Variants in NEB observed in about 807,000 individuals in gnomAD.
The protein encoded by NEB is nemaline myopathy type 2.
Under a neutral mutation model 952.2 loss-of-function variants are expected in NEB, and 512 were observed. The observed-to-expected ratio is 0.54, with a 90% CI of 0.50 to 0.58. NEB has a LOEUF of 0.58. Among genes scored for constraint, NEB ranks in the 20% least tolerant of loss-of-function variants. The pLI, the probability that NEB is intolerant of heterozygous loss-of-function variation, is 0.00. For missense variants in NEB, 8,428 were observed against 9,231.1 expected, an observed-to-expected ratio of 0.91 and a Z score of 3.56; for synonymous variants, 2,900 against 3,149.8, an observed-to-expected ratio of 0.92 and a Z score of 2.66.
In NEB at chr2:151,727,780, T is replaced by C; in HGVS notation, c.205A>G (p.Arg69Gly). Reference protein sequence around the residue: ...QPASAKPVERRKVIRKKVDPS... With the variant: ...QPASAKPVERGKVIRKKVDPS... Reference sequence around the variant, plus strand: ...TCCACTTTCTTCCGGATGACCTTCCTCCTCTCCACCGGCTTTGCTGATGCT... The same window carrying C: ...TCCACTTTCTTCCGGATGACCTTCCCCCTCTCCACCGGCTTTGCTGATGCT... Residue 69 changes from arginine to glycine, a missense_variant, in exon 5 of 182, where the codon AGG becomes GGG. This residue lies in a region of NEB where 2,851 missense variants were observed against 2,791.5 expected (regional missense o/e 1.02). Coordinates refer to ENST00000397345, the MANE Select transcript of NEB (RefSeq NM_001164508.2). 6.2e-7 allele frequency: 1 copy of C among 1,613,760 alleles called. No homozygotes were observed. Among genetic ancestry groups the C allele is most frequent in the Non-Finnish European group, 8.5e-7 (1 of 1,179,786 alleles).
At position 151,526,039 on chromosome 2, in the gene NEB, G is replaced by C. The variant is rs745517888; in HGVS notation, c.22080C>G (p.His7360Gln). 5 of 1,613,870 alleles carry C rather than the reference G, an allele frequency of 3.1e-6. No homozygotes were observed. The highest frequency in any genetic ancestry group is 4.2e-6 in the Non-Finnish European group (5 of 1,179,876). The change falls in exon 150 of 182, where the codon CAC (histidine) becomes CAG (glutamine). Residue 7360 changes from histidine to glutamine, a missense_variant. His to Gln is a conservative substitution (Grantham distance 24, BLOSUM62 0). Coordinates refer to ENST00000397345, the MANE Select transcript of NEB (RefSeq NM_001164508.2). ...ENKYKDHVKKHLAQGSYTTLP... is the reference protein window; with the variant it reads ...ENKYKDHVKKQLAQGSYTTLP... ...GTGTTGTGTATGAGCCCTGTGCCAAGTGCTTCTTGACATGGTCCTTGTACT... is the reference window on the plus strand; with the variant it reads ...GTGTTGTGTATGAGCCCTGTGCCAACTGCTTCTTGACATGGTCCTTGTACT...
intron 12 of NEB, among the ~76,000 whole-genome samples, chr2:151,707,205 A>G (rs1340912958): frequency 6.6e-6 from 1 of 152,236 alleles, no homozygotes; most frequent in African/African-American, 2.4e-5. Flanking sequence ...CCATTCATTT[A>G]TTCATTCAAA....
At chr2:151,714,862 C>T (rs908631578) in intron 10 of NEB, among the ~76,000 whole-genome samples, 2 of 152,248 alleles carry the variant, frequency 1.3e-5, no homozygotes, top group Non-Finnish European at 1.5e-5. Context: ...GAAGATAGTA[C>T]CAAAGGTAAG....
At chr2:151,604,121 C>T (rs62174703) in intron 85 of NEB, among the ~76,000 whole-genome samples, 27,561 of 110,372 alleles carry the variant, frequency 0.25, 353 homozygotes, top group Admixed American at 0.34. Flanking sequence ...TCAGTTGGAT[C>T]TTAGGAGGTA....
chr2:151,720,559 G>C (rs1288962745), intron 9 of NEB, among the ~76,000 whole-genome samples: 1 of 152,126 alleles, frequency 6.6e-6, no homozygotes, highest in East Asian at 1.9e-4. Context: ...TACTGTAATT[G>C]CTCAAAACAT....
At position 151,524,306 on chromosome 2, in the gene NEB, A is replaced by T. The variant is rs1188700180; in HGVS notation, c.22479+5T>A. ...GAGAGCCACCAGTGCACCCATCTGC[A>T]TTACCTGGCTGCTCAGCTTGGCTGC... On this transcript the variant is annotated splice_donor_5th_base_variant and intron_variant, in intron 153 of 181. Transcript: ENST00000397345. 2 of 1,612,604 alleles carry T rather than the reference A, an allele frequency of 1.2e-6. No homozygotes were observed. Among genetic ancestry groups the T allele is most frequent in the Non-Finnish European group, 1.7e-6 (2 of 1,178,892 alleles).
intron 121 of NEB, 51 bp downstream of exon 121, chr2:151,562,059 A>G: frequency 6.9e-7 from 1 of 1,448,752 alleles, no homozygotes; most frequent in Non-Finnish European, 9.7e-7. Context: ...TGACACCACC[A>G]TGGATTCTGA....
Position 151,503,039 on chromosome 2 carries a change from A to ATGAT in NEB, c.23836-158_23836-155dup, listed in dbSNP as rs1253133055. 1.2e-5 allele frequency: 7 copies of ATGAT among 602,324 alleles called. No individual in the cohort carries two copies. In the African/African-American group the frequency reaches 1.3e-4, roughly 11 times the overall value. The allele number at this position is 602,324 out of a possible 1,614,324, so 37.3% of individuals were successfully genotyped here. ...TGTTTTTACTTTTTTCACAGTTTTA[A>ATGAT]TGATGAACTCTACAATGCTAATTCT... is the stretch of plus-strand genomic sequence containing the variant. On this transcript the variant is annotated intron_variant, in intron 166 of 181. Transcript: ENST00000397345.
At chr2:151,509,152 C>G (rs1479706061) in intron 161 of NEB, among the ~76,000 whole-genome samples, 1 of 151,988 alleles carries the variant, frequency 6.6e-6, no homozygotes, top group Non-Finnish European at 1.5e-5. Flanking sequence ...GTAATCTTGC[C>G]AGAGACAACA....
chr2:151,644,458 A>G lies in NEB; in HGVS notation c.7644+10T>C, dbSNP rs765507331. On this transcript the variant is annotated intron_variant, in intron 56 of 181. Transcript: ENST00000397345. ...AATCAAATCAATATCAACAGAGGAT[A>G]AAATCTTACTTCACTGGCAATTTCC... 6.3e-6 allele frequency: 10 copies of G among 1,599,080 alleles called. No homozygotes were observed. Among genetic ancestry groups the G allele is most frequent in the Non-Finnish European group, 7.7e-6 (9 of 1,166,456 alleles).
intron 156 of NEB, 109 bp from the exon 157 acceptor site, chr2:151,516,672 A>C: frequency 1.3e-5 from 10 of 747,266 alleles, no homozygotes; most frequent in Non-Finnish European, 2.1e-5. Context: ...ATGGCATCTC[A>C]TTGCCACTCA....
intron 10 of NEB, 123 bp from the exon 11 acceptor site, chr2:151,710,661 TA>T: frequency 1.8e-6 from 1 of 547,480 alleles, no homozygotes; most frequent in South Asian, 3.0e-5. Flanking sequence ...AGGTCCTTAA[TA>T]AATGCCTTTA....
chr2:151,612,491 T>C (rs2098020558), intron 77 of NEB, 102 bp from the exon 78 acceptor site: 3 of 1,156,340 alleles, frequency 2.6e-6, no homozygotes, highest in African/African-American at 3.1e-5. Flanking sequence ...CTGAATCTTA[T>C]TTGTGTAAAT....
intron 133 of NEB, among the ~76,000 whole-genome samples, chr2:151,547,208 G>A (rs375132728): frequency 1.3e-5 from 2 of 152,268 alleles, no homozygotes; most frequent in South Asian, 4.1e-4. Flanking sequence ...GATCAAGAAT[G>A]ATGGCAATTC....
intron 64 of NEB, among the ~76,000 whole-genome samples, chr2:151,635,034 G>T (rs1417575268): frequency 6.6e-6 from 1 of 152,136 alleles, no homozygotes; most frequent in Non-Finnish European, 1.5e-5. Flanking sequence ...GGAAAGGAAT[G>T]AGATTGTTCA....
Position 151,570,204 on chromosome 2 carries a change from G to A in NEB, c.17307C>T (p.His5769=). ...TGACCAGAGCCTGGGAATTTTTAGA[G>A]TGCAGGATGGAAAGCATGTCCACAG... ...QSPVDMLSIL[H]SKNSQALVSD... is the part of the protein sequence containing the mutation. The change falls in exon 109 of 182, where the codon CAC becomes CAT. Residue 5769 remains histidine (H), a synonymous_variant. Transcript: ENST00000397345. 6.2e-7 allele frequency: 1 copy of A among 1,613,742 alleles called. No individual in the cohort carries two copies. The highest frequency in any genetic ancestry group is 8.5e-7 in the Non-Finnish European group (1 of 1,179,812).
rs773283451 is a variant in NEB, at chr2:151,569,262, G to A, written c.17535+6C>T. 6.2e-7 allele frequency: 1 copy of A among 1,612,184 alleles called. No homozygotes were observed. The highest frequency in any genetic ancestry group is 1.1e-5 in the South Asian group (1 of 90,998). On this transcript the variant is annotated splice_donor_region_variant and intron_variant, in intron 110 of 181. Transcript: ENST00000397345. Reference sequence around the variant, plus strand: ...TACTGAATGTCAGGGTAAAATCTTGGAATACCTCACTGAAGATGTCCGCGG... The same window carrying A: ...TACTGAATGTCAGGGTAAAATCTTGAAATACCTCACTGAAGATGTCCGCGG...
At chr2:151,497,797 A>G in intron 170 of NEB, 79 bp from the exon 171 acceptor site, 1 of 1,539,990 alleles carries the variant, frequency 6.5e-7, no homozygotes, top group Non-Finnish European at 8.7e-7. Context: ...ATGAGGAAAA[A>G]ACACAGTCAT....
At chr2:151,673,722 TTTTC>T (rs990861247) in intron 36 of NEB, among the ~76,000 whole-genome samples, 5 of 136,086 alleles carry the variant, frequency 3.7e-5, no homozygotes, top group African/African-American at 1.3e-4. Context: ...TTCTAAAAAT[TTTTC>T]TTTTTCTTTT....
Sources: gnomAD v4.1 joint callset for allele counts (sites outside exome capture counted in the v4.1 genomes callset) on GRCh38, gnomAD v4.1.1 for gene constraint, gnomAD v4.1.1 regional missense constraint, MANE v1.5 for transcripts, NCBI Gene and HGNC (gene_info 2026-07-23, HGNC 2026-07-21) for gene names.